Variants in LZTR1 observed in about 807,000 individuals in gnomAD.
The protein encoded by LZTR1 is leucine-zipper-like transcriptional regulator 1.
In LZTR1, 260 loss-of-function variants were observed where a neutral mutation model predicts 105.7. The ratio of observed to expected loss-of-function variants is 2.46; its 90% CI spans 2.22 to 2.72. The LOEUF (loss-of-function observed/expected upper bound fraction) is 2.72. LZTR1 is among the 30% of genes most tolerant of loss of function. LZTR1 has a pLI of 0.00. For synonymous variants in LZTR1, 490 were observed against 476.4 expected, an observed-to-expected ratio of 1.03 and a Z score of -0.37; for missense variants, 1,214 against 1,166.9, an observed-to-expected ratio of 1.04 and a Z score of -0.59.
At chr22:20,989,961 A>G (rs1281615107) in intron 7 of LZTR1, among the ~76,000 whole-genome samples, 1 of 152,200 alleles carries the variant, frequency 6.6e-6, no homozygotes, top group African/African-American at 2.4e-5. Context: ...TTGGATGGGC[A>G]GAGTGCCACG....
intron 6 of LZTR1, 71 bp downstream of exon 6, chr22:20,988,943 T>G: frequency 7.3e-7 from 1 of 1,376,438 alleles, no homozygotes; most frequent in Non-Finnish European, 1.0e-6. Flanking sequence ...GTCCTGGCAT[T>G]TGAGGGCTTA....
In LZTR1 at chr22:20,988,008, A is replaced by AG; in HGVS notation, c.404dup. ...TGACAGTTTCTCACTCTCTTTACTC[A>AG]GGGGGTTACACTGGGGACATTTATT... On this transcript the variant is annotated splice_acceptor_variant, in intron 4 of 20. Coordinates refer to ENST00000646124, the MANE Select transcript of LZTR1 (RefSeq NM_006767.4). LOFTEE classifies it high-confidence loss of function. 1 of 1,560,592 alleles carries AG rather than the reference A, an allele frequency of 6.4e-7. No homozygotes were observed. The highest frequency in any genetic ancestry group is 8.8e-7 in the Non-Finnish European group (1 of 1,132,504).
At chr22:20,984,149 A>T (rs2147958245) in intron 2 of LZTR1, among the ~76,000 whole-genome samples, 1 of 152,296 alleles carries the variant, frequency 6.6e-6, no homozygotes, top group South Asian at 2.1e-4. Context: ...GACCAACTGG[A>T]GACCATTGCT....
chr22:20,986,056 C>T (rs1924369176), intron 3 of LZTR1, 159 bp downstream of exon 3: 2 of 726,406 alleles, frequency 2.8e-6, no homozygotes, highest in African/African-American at 1.8e-5. Context: ...CATCCAGAGC[C>T]GCCCTGTCAG....
chr22:20,990,607 C>A, intron 8 of LZTR1, 82 bp downstream of exon 8: 1 of 1,419,934 alleles, frequency 7.0e-7, no homozygotes, highest in Admixed American at 1.9e-5. Flanking sequence ...CCTCTTGCAC[C>A]TGGTGGCCAT....
At chr22:20,995,481 T>C in intron 16 of LZTR1, 2 of 651,372 alleles carry the variant, frequency 3.1e-6, no homozygotes, top group South Asian at 1.5e-5. Context: ...GGCTTGATCA[T>C]GAGGTCAGCG....
Position 20,994,682 on chromosome 22 carries a change from GGTT to G in LZTR1, c.1743_1745del (p.Val582del). 2 of 1,612,866 alleles carry G rather than the reference GGTT, an allele frequency of 1.2e-6. No homozygotes were observed. The highest frequency in any genetic ancestry group is 1.3e-5 in the African/African-American group (1 of 75,062). On this transcript the variant is annotated inframe_deletion, in exon 15 of 21. Transcript: ENST00000646124. ...CCTCCGTGGACCTGCAGAACGTGCTGGTTGTGTGCGAGAGTGCCGCCCGGCTGC... is the reference window on the plus strand; with the variant it reads ...CCTCCGTGGACCTGCAGAACGTGCTGGTGTGCGAGAGTGCCGCCCGGCTGC...
intron 2 of LZTR1, among the ~76,000 whole-genome samples, chr22:20,983,511 C>T (rs1025752176): frequency 3.9e-5 from 6 of 152,196 alleles, no homozygotes; most frequent in East Asian, 1.9e-4. Flanking sequence ...CAGGCAACAA[C>T]GTGATGTTTT....
At position 20,992,275 on chromosome 22, in the gene LZTR1, A is replaced by G. The variant is rs368649599; in HGVS notation, c.1055A>G (p.Tyr352Cys). 1.9e-6 allele frequency: 3 copies of G among 1,613,956 alleles called. No homozygotes were observed. Among genetic ancestry groups the G allele is most frequent in the South Asian group, 1.1e-5 (1 of 91,082 alleles). Residue 352 changes from tyrosine (Y) to cysteine (C), a missense_variant, in exon 10 of 21, where the codon TAT (tyrosine) becomes TGT (cysteine). Transcript: ENST00000646124. Reference protein sequence around the residue: ...CASEEVPTLTYEERVGFKKSR... With the variant: ...CASEEVPTLTCEERVGFKKSR... ...TCCGAGGAGGTGCCCACCCTGACCT[A>G]TGAGGAGCGGGTTGGCTTCAAGAAG...
rs1230886860 is a variant in LZTR1 at position 20,994,954 on chromosome 22, C to T, written c.1870C>T (p.Leu624=). 12 of 1,613,222 alleles carry T rather than the reference C, an allele frequency of 7.4e-6. No homozygotes were observed. The highest frequency in any genetic ancestry group is 1.3e-5 in the African/African-American group (1 of 74,926). ...MKEFERLSSP[L]IVEIVRRKQQ... is the part of the protein sequence containing the mutation. ...GGAGTTCGAGCGCCTCTCCTCTCCA[C>T]TGATAGTGGAGATTGTGCGGCGGAA... The change falls in exon 16 of 21, where the codon CTG becomes TTG. Residue 624 remains leucine (L), a synonymous_variant. Transcript: ENST00000646124.
chr22:20,991,370 C>T, intron 8 of LZTR1: 1 of 539,786 alleles, frequency 1.9e-6, no homozygotes, highest in Non-Finnish European at 3.3e-6. Flanking sequence ...CTGCCCATCA[C>T]TGCTGCCTGC....
rs753347937 is a variant in LZTR1 at position 20,994,259 on chromosome 22, C to T, written c.1605C>T (p.Tyr535=). ...MQFLYTDKIK[Y]PRKGHVEDVL... ...TCCTCTACACCGACAAGATCAAATA[C>T]CCACGGAAAGGTCCGCCTGGGTGGG... The change falls in exon 14 of 21, where the codon TAC becomes TAT. Residue 535 remains tyrosine, a synonymous_variant. Transcript: ENST00000646124. 1.3e-6 allele frequency: 2 copies of T among 1,598,222 alleles called. No individual in the cohort carries two copies. The highest frequency in any genetic ancestry group is 8.5e-7 in the Non-Finnish European group (1 of 1,179,402).
chr22:20,983,376 C>T (rs758101279), intron 2 of LZTR1, among the ~76,000 whole-genome samples: 1 of 152,242 alleles, frequency 6.6e-6, no homozygotes, highest in Non-Finnish European at 1.5e-5. Context: ...AACACAACCA[C>T]CCTTGCGGCC....
At position 20,982,544 on chromosome 22, in the gene LZTR1, C is replaced by T. The variant is rs756416071; in HGVS notation, c.173C>T (p.Pro58Leu). Residue 58 changes from proline to leucine, a missense_variant, in exon 1 of 21, where the codon CCG becomes CTG. By Grantham distance (98) the Pro-to-Leu change is moderately conservative. Transcript: ENST00000646124. Reference sequence around the variant, plus strand: ...ACAGTGCATCGCTGGCGGCGCCTCCCGCCCTGCGACGAGTTCGTGGGTGCC... The same window carrying T: ...ACAGTGCATCGCTGGCGGCGCCTCCTGCCCTGCGACGAGTTCGTGGGTGCC... ...FETVHRWRRL[P>L]PCDEFVGARR... 1.9e-6 allele frequency: 3 copies of T among 1,612,608 alleles called. No individual in the cohort carries two copies. The highest frequency in any genetic ancestry group is 2.2e-5 in the South Asian group (2 of 90,702).
chr22:20,988,077 GT>G lies in LZTR1; in HGVS notation c.471del (p.Phe157LeufsTer43). The G allele has an allele frequency of 1.2e-6, 2 of 1,613,528 alleles. No homozygotes were observed. Among genetic ancestry groups the G allele is most frequent in the Non-Finnish European group, 8.5e-7 (1 of 1,179,490 alleles). On this transcript the variant is annotated frameshift_variant, in exon 5 of 21. Coordinates refer to ENST00000646124, the MANE Select transcript of LZTR1 (RefSeq NM_006767.4). LOFTEE classifies it high-confidence loss of function. ...KNKNDLFEYK[F>X]ATGQWTEWKI... ...ATAAAAACGACCTCTTTGAATACAA[GT>G]TTGCAACTGGCCAGTGGACGGAGTG...
intron 2 of LZTR1, among the ~76,000 whole-genome samples, chr22:20,985,077 T>C (rs1482747498): frequency 1.3e-5 from 2 of 150,432 alleles, no homozygotes; most frequent in African/African-American, 4.9e-5. Flanking sequence ...TTTTTTTTTT[T>C]TGAGATGGAG....
In LZTR1 at chr22:20,992,266, C is replaced by T; in HGVS notation, c.1046C>T (p.Thr349Ile). ...GCCTGTGCTTCCGAGGAGGTGCCCA[C>T]CCTGACCTATGAGGAGCGGGTTGGC... Reference protein sequence around the residue: ...ERACASEEVPTLTYEERVGFK... With the variant: ...ERACASEEVPILTYEERVGFK... Residue 349 changes from threonine (T) to isoleucine (I), a missense_variant, in exon 10 of 21, where the codon ACC becomes ATC. Coordinates refer to ENST00000646124, the MANE Select transcript of LZTR1 (RefSeq NM_006767.4). 1 of 1,613,998 alleles carries T rather than the reference C, an allele frequency of 6.2e-7. No individual in the cohort carries two copies. The highest frequency in any genetic ancestry group is 8.5e-7 in the Non-Finnish European group (1 of 1,179,980).
intron 16 of LZTR1, chr22:20,995,325 C>T (rs748333783): frequency 2.2e-4 from 143 of 643,148 alleles, no homozygotes; most frequent in African/African-American, 1.9e-3. Context: ...CCCAGGGTCA[C>T]GGTGATCAGT....
chr22:20,993,292 T>G, intron 11 of LZTR1: 1 of 431,424 alleles, frequency 2.3e-6, no homozygotes, highest in Non-Finnish European at 4.3e-6. Flanking sequence ...ACAGCCACAG[T>G]GAGGTCAGGG....
Sources: allele counts gnomAD v4.1 joint callset (sites outside exome capture counted in the v4.1 genomes callset), GRCh38; gene constraint gnomAD v4.1.1; transcripts MANE v1.5; gene names NCBI Gene and HGNC (gene_info 2026-07-23, HGNC 2026-07-21).